Variants in PCDH15 observed in about 807,000 individuals in gnomAD.
PCDH15 encodes protocadherin-15.
PCDH15 carries 129 observed loss-of-function variants against 178.5 expected under a neutral mutation model. The ratio of observed to expected loss-of-function variants is 0.72; its 90% CI spans 0.63 to 0.84. The LOEUF is 0.84. Among genes scored for constraint, PCDH15 ranks in the 40% least tolerant of loss-of-function variants. The probability of loss-of-function intolerance (pLI) is 0.00; values close to 1 mark genes in which losing one functional copy is unlikely to be tolerated. For missense variants in PCDH15, 2,230 were observed against 2,099.9 expected (o/e 1.06, Z -1.21); for synonymous variants, 800 against 732.0 (o/e 1.09, Z -1.50).
At chr10:55,171,159 T>C (rs945294450) in intron 1 of PCDH15, among the ~76,000 whole-genome samples, 1 of 152,110 alleles carries the variant, frequency 6.6e-6, no homozygotes, top group African/African-American at 2.4e-5. Flanking sequence ...AACACCAAAA[T>C]TAGCATGTCA....
At chr10:54,810,051 T>C (rs887744318) in intron 3 of PCDH15, among the ~76,000 whole-genome samples, 1 of 152,178 alleles carries the variant, frequency 6.6e-6, no homozygotes, top group Admixed American at 6.5e-5. Context: ...AAAGTGATAC[T>C]TTTGTTCAAT....
At chr10:55,267,017 G>A (rs767596756) in intron 1 of PCDH15, among the ~76,000 whole-genome samples, 11 of 152,132 alleles carry the variant, frequency 7.2e-5, no homozygotes, top group Non-Finnish European at 1.2e-4. Context: ...TTTGAGCAGC[G>A]GGGCACCACA....
intron 26 of PCDH15, among the ~76,000 whole-genome samples, chr10:53,893,668 C>T (rs2081745368): frequency 6.6e-6 from 1 of 152,128 alleles, no homozygotes; most frequent in Admixed American, 6.6e-5. Context: ...AGTTGGAGGC[C>T]ATTATTCTAA....
At chr10:53,891,103 A>C (rs1322200163) in intron 26 of PCDH15, among the ~76,000 whole-genome samples, 1 of 151,982 alleles carries the variant, frequency 6.6e-6, no homozygotes, top group Non-Finnish European at 1.5e-5. Context: ...TTTTCCCCTT[A>C]TATTCGTGTT....
chr10:54,823,000 G>A (rs1466704969), intron 3 of PCDH15, among the ~76,000 whole-genome samples: 2 of 151,874 alleles, frequency 1.3e-5, no homozygotes, highest in African/African-American at 4.8e-5. Context: ...TCCTGCCTCA[G>A]CCTCCCGAGT....
At chr10:54,464,763 G>A (rs2077409858) in intron 3 of PCDH15, among the ~76,000 whole-genome samples, 1 of 152,066 alleles carries the variant, frequency 6.6e-6, no homozygotes, top group South Asian at 2.1e-4. Flanking sequence ...TTCCAAGGTT[G>A]AGTATCTAGC....
intron 1 of PCDH15, among the ~76,000 whole-genome samples, chr10:54,738,007 G>A (rs548775633): frequency 5.8e-4 from 88 of 152,168 alleles, no homozygotes; most frequent in African/African-American, 2.1e-3. Flanking sequence ...ATGGATAATG[G>A]GGGAGGAGCA....
At chr10:54,657,781 A>G (rs898635180) in intron 2 of PCDH15, among the ~76,000 whole-genome samples, 6 of 152,234 alleles carry the variant, frequency 3.9e-5, no homozygotes, top group Non-Finnish European at 7.3e-5. Context: ...CATGAACTCT[A>G]GCAGTACAAA....
At chr10:54,028,109 C>T (rs901483311) in intron 18 of PCDH15, among the ~76,000 whole-genome samples, 2 of 150,466 alleles carry the variant, frequency 1.3e-5, no homozygotes, top group South Asian at 2.1e-4. Context: ...CAAACAACCC[C>T]ATCAAAAAGT....
chr10:55,068,808 A>G (rs1841637259), intron 2 of PCDH15, among the ~76,000 whole-genome samples: 1 of 151,598 alleles, frequency 6.6e-6, no homozygotes, highest in African/African-American at 2.4e-5. Context: ...TGTGTTCCCT[A>G]CAGATCTCTT....
chr10:54,147,334 T>G (rs1051357508), intron 14 of PCDH15, among the ~76,000 whole-genome samples: 2 of 151,882 alleles, frequency 1.3e-5, no homozygotes, highest in Non-Finnish European at 2.9e-5. Context: ...CTAGGTCAAC[T>G]AAATTTCTGA....
upstream of PCDH15, among the ~76,000 whole-genome samples, chr10:54,802,927 T>G (rs1350464853): frequency 6.6e-6 from 1 of 152,198 alleles, no homozygotes; most frequent in Non-Finnish European, 1.5e-5. Flanking sequence ...AATTGAACAC[T>G]TGTCAATGAC....
chr10:55,367,295 A>C lies in PCDH15; in HGVS notation c.-155-200644T>G, dbSNP rs138717521. Among the ~76,000 whole-genome samples, 855 of 152,300 alleles carry C rather than the reference A, an allele frequency of 5.6e-3. 10 individuals carry two copies. The highest frequency in any genetic ancestry group is 0.02 in the African/African-American group (815 of 41,562). On this transcript the variant is annotated intron_variant, in intron 2 of 5. Coordinates refer to the PCDH15 transcript ENST00000613346. ...GATAAAGCAGCACTCAAACTGGAAGAAGTGGCCAGATGCCTCGGCTCACAC... is the reference window on the plus strand; with the variant it reads ...GATAAAGCAGCACTCAAACTGGAAGCAGTGGCCAGATGCCTCGGCTCACAC...
Position 54,923,180 on chromosome 10 carries a change from C to A in PCDH15, c.-79-25680G>T, listed in dbSNP as rs1015408524. Among the ~76,000 whole-genome samples, 2 of 138,174 alleles carry A rather than the reference C, an allele frequency of 1.4e-5. 1 individual carries two copies. The highest frequency in any genetic ancestry group is 3.4e-5 in the Non-Finnish European group (2 of 59,296). 90.6% of individuals were successfully genotyped at this position (138,174 alleles called of 152,430 possible). On this transcript the variant is annotated intron_variant, in intron 2 of 5. Coordinates refer to the PCDH15 transcript ENST00000458638. ...CAACAGCCCAGGCTGTATTTTGGCC[C>A]CTTTTAGCCATGGCTGGAGCTGGAT...
chr10:54,694,859 T>C (rs945738258), intron 1 of PCDH15, among the ~76,000 whole-genome samples: 2 of 152,090 alleles, frequency 1.3e-5, no homozygotes, highest in African/African-American at 4.8e-5. Flanking sequence ...AGGCCTCTCA[T>C]TTTTAATCAC....
intron 2 of PCDH15, among the ~76,000 whole-genome samples, chr10:54,537,757 C>A (rs1424666069): frequency 1.3e-5 from 2 of 152,094 alleles, no homozygotes; most frequent in African/African-American, 4.8e-5. Flanking sequence ...ATTCCCTTCT[C>A]TGTGCAGCAT....
At chr10:54,696,361 G>T (rs945400740) in intron 1 of PCDH15, among the ~76,000 whole-genome samples, 20 of 152,048 alleles carry the variant, frequency 1.3e-4, no homozygotes, top group African/African-American at 4.6e-4. Context: ...ATACACAAAT[G>T]AGCAACTGTT....
intron 18 of PCDH15, among the ~76,000 whole-genome samples, chr10:54,055,946 C>T (rs1274207793): frequency 6.6e-6 from 1 of 152,174 alleles, no homozygotes; most frequent in Non-Finnish European, 1.5e-5. Context: ...AACTATGCAT[C>T]ATGTTCTCCT....
intron 1 of PCDH15, among the ~76,000 whole-genome samples, chr10:54,774,992 A>C (rs1949535742): frequency 6.6e-6 from 1 of 152,196 alleles, no homozygotes; most frequent in Non-Finnish European, 1.5e-5. Context: ...CACCTTTGTA[A>C]TTTGTCCTTT....
Sources: gnomAD v4.1 joint callset for allele counts (sites outside exome capture counted in the v4.1 genomes callset) on GRCh38, gnomAD v4.1.1 for gene constraint, MANE v1.5 for transcripts, NCBI Gene and HGNC (gene_info 2026-07-23, HGNC 2026-07-21) for gene names.